Variants in DAB1 observed in about 807,000 individuals in gnomAD.
The protein encoded by DAB1 is disabled homolog 1.
DAB1 carries 15 observed loss-of-function variants against 64.6 expected under a neutral mutation model. That is an observed-to-expected ratio of 0.23 (90% CI 0.16 to 0.36). DAB1 has a LOEUF of 0.36. DAB1 is among the 10% of genes least tolerant of loss of function. DAB1 has a pLI of 1.00. For synonymous variants in DAB1, 235 were observed against 251.9 expected (o/e 0.93, Z 0.64); for missense variants, 596 against 706.7 (o/e 0.84, Z 1.78).
chr1:57,228,469 T>A (rs944076225), intron 2 of DAB1, among the ~76,000 whole-genome samples: 1 of 151,922 alleles, frequency 6.6e-6, no homozygotes, highest in Admixed American at 6.6e-5. Flanking sequence ...AACATGAAAA[T>A]AACCTAACCT....
intron 7 of DAB1, among the ~76,000 whole-genome samples, chr1:57,605,537 TA>T (rs1284362307): frequency 4.6e-5 from 7 of 152,164 alleles, no homozygotes; most frequent in African/African-American, 1.7e-4. Flanking sequence ...AGCCCTATTT[TA>T]AGTGAAAAAG....
At position 57,209,679 on chromosome 1, in the gene DAB1, T is replaced by C. The variant is rs939064010; in HGVS notation, c.68-64250A>G. Among the ~76,000 whole-genome samples, 20 of 152,356 alleles carry C rather than the reference T, an allele frequency of 1.3e-4. No individual in the cohort carries two copies. The Middle Eastern group carries it at 0.01, about 78-fold the overall frequency. ...GACCTTAATCTGCTCTTGAACTTTGTCTACTGTTACTGGATAACCAGCAAC... is the reference window on the plus strand; with the variant it reads ...GACCTTAATCTGCTCTTGAACTTTGCCTACTGTTACTGGATAACCAGCAAC... On this transcript the variant is annotated intron_variant, in intron 2 of 14. Transcript: ENST00000371236.
chr1:58,316,195 G>A (rs1333413704), intron 4 of DAB1, among the ~76,000 whole-genome samples: 1 of 152,164 alleles, frequency 6.6e-6, no homozygotes, highest in Non-Finnish European at 1.5e-5. Flanking sequence ...GTTTTTGTTT[G>A]TGTTTTGTTG....
chr1:58,052,404 A>G (rs189890207), intron 5 of DAB1, among the ~76,000 whole-genome samples: 7 of 152,202 alleles, frequency 4.6e-5, no homozygotes, highest in Admixed American at 2.6e-4. Context: ...ATTGGTCTAT[A>G]TATCTGTTTT....
intron 1 of DAB1, among the ~76,000 whole-genome samples, chr1:57,390,242 A>T (rs944373043): frequency 1.3e-5 from 2 of 152,202 alleles, no homozygotes; most frequent in African/African-American, 4.8e-5. Context: ...GAATCAGAAG[A>T]CCTGATGGGA....
chr1:58,480,692 T>C, intron 3 of DAB1: 1 of 253,704 alleles, frequency 3.9e-6, no homozygotes, highest in Non-Finnish European at 7.4e-6. Flanking sequence ...GTCTGCCTTC[T>C]AAATCAAAAG....
chr1:57,576,944 C>T (rs1296753556), intron 7 of DAB1, among the ~76,000 whole-genome samples: 1 of 152,146 alleles, frequency 6.6e-6, no homozygotes. Context: ...GTGGCTGCTT[C>T]CCAGCTCACC....
chr1:57,897,655 G>T (rs1228757081), intron 5 of DAB1, among the ~76,000 whole-genome samples: 1 of 152,168 alleles, frequency 6.6e-6, no homozygotes, highest in Admixed American at 6.5e-5. Context: ...TGAAGGGATA[G>T]GAAAATGGCA....
chr1:57,583,279 T>A (rs957369858), intron 7 of DAB1, among the ~76,000 whole-genome samples: 1 of 149,662 alleles, frequency 6.7e-6, no homozygotes, highest in African/African-American at 2.5e-5. Flanking sequence ...GTTTCTTGTT[T>A]TTTTTCTTTT....
intron 5 of DAB1, among the ~76,000 whole-genome samples, chr1:58,037,307 T>G (rs1218028153): frequency 6.6e-6 from 1 of 152,154 alleles, no homozygotes; most frequent in African/African-American, 2.4e-5. Context: ...CTTTTTCTGA[T>G]GAGGATAGCT....
intron 5 of DAB1, among the ~76,000 whole-genome samples, chr1:58,014,263 A>G (rs113003694): frequency 7.0e-4 from 106 of 152,348 alleles, no homozygotes; most frequent in African/African-American, 2.5e-3. Flanking sequence ...GAGTTTCAAA[A>G]TTGGATTCTT....
At chr1:58,522,026 T>TTCTAGCAATA (rs1354284894) in intron 2 of DAB1, among the ~76,000 whole-genome samples, 2 of 152,166 alleles carry the variant, frequency 1.3e-5, no homozygotes, top group Non-Finnish European at 2.9e-5. Flanking sequence ...ATTAAACCAA[T>TTCTAGCAATA]TCTAGCAATA....
chr1:57,182,408 T>C (rs942331314), intron 2 of DAB1, among the ~76,000 whole-genome samples: 2 of 152,244 alleles, frequency 1.3e-5, no homozygotes, highest in Admixed American at 6.5e-5. Context: ...CAGGTGGATC[T>C]GGCTGAAGCT....
intron 1 of DAB1, among the ~76,000 whole-genome samples, chr1:57,362,651 G>A (rs1300273400): frequency 1.3e-5 from 2 of 152,064 alleles, no homozygotes; most frequent in Non-Finnish European, 2.9e-5. Context: ...GCAGAAGGAC[G>A]CAACTTGAAG....
chr1:58,510,134 T>C (rs1646050938), intron 2 of DAB1, among the ~76,000 whole-genome samples: 1 of 137,232 alleles, frequency 7.3e-6, no homozygotes, highest in Non-Finnish European at 1.6e-5. Context: ...AAACTCATTT[T>C]ATGAGGCCAG....
intron 4 of DAB1, among the ~76,000 whole-genome samples, chr1:58,154,693 A>G (rs1356531986): frequency 6.6e-6 from 1 of 152,136 alleles, no homozygotes; most frequent in Non-Finnish European, 1.5e-5. Flanking sequence ...TAATTGTCAG[A>G]GCTCTGAAAG....
rs548037095 is a variant in DAB1, at chr1:58,145,825, G to C, written n.387+4686C>G. 2.6e-5 allele frequency among the ~76,000 whole-genome samples: 4 copies of C among 152,332 alleles called. No homozygotes were observed. The East Asian group carries it at 5.8e-4, about 22-fold the overall frequency. On this transcript the variant is annotated intron_variant and non_coding_transcript_variant, in intron 5 of 20. Transcript: ENST00000485760. ...AGAATTTAAGCAGGAATATCTGACT[G>C]CTGCTCCCAGTCTAGAAAGGACACG... is the stretch of plus-strand genomic sequence containing the variant.
chr1:57,492,471 C>G (rs1197220974), intron 7 of DAB1, among the ~76,000 whole-genome samples: 1 of 152,196 alleles, frequency 6.6e-6, no homozygotes, highest in Non-Finnish European at 1.5e-5. Context: ...ATAAAACTTG[C>G]TGAGGTGATG....
intron 5 of DAB1, among the ~76,000 whole-genome samples, chr1:57,979,319 A>C (rs1455147481): frequency 6.6e-6 from 1 of 152,186 alleles, no homozygotes; most frequent in African/African-American, 2.4e-5. Context: ...CAAGAACAGA[A>C]AACCAAACAC....
Sources: allele counts gnomAD v4.1 joint callset (sites outside exome capture counted in the v4.1 genomes callset), GRCh38; gene constraint gnomAD v4.1.1; transcripts MANE v1.5; gene names NCBI Gene and HGNC (gene_info 2026-07-23, HGNC 2026-07-21).